Variants in GSE1 observed in about 807,000 individuals in gnomAD.
The protein encoded by GSE1 is genetic suppressor element 1.
Under a neutral mutation model 112.6 loss-of-function variants are expected in GSE1, and 32 were observed. The observed-to-expected ratio is 0.28, with a 90% CI of 0.21 to 0.38. The LOEUF is 0.38. Among genes scored for constraint, GSE1 ranks in the 10% least tolerant of loss-of-function variants. The pLI, the probability that GSE1 is intolerant of heterozygous loss-of-function variation, is 1.00. For missense variants in GSE1, 2,348 were observed against 1,699.2 expected, an observed-to-expected ratio of 1.38 and a Z score of -6.71; for synonymous variants, 1,115 against 735.6, an observed-to-expected ratio of 1.52 and a Z score of -8.35.
intron 2 of GSE1, among the ~76,000 whole-genome samples, chr16:85,378,384 G>A (rs1040504230): frequency 1.3e-5 from 2 of 152,164 alleles, no homozygotes; most frequent in African/African-American, 4.8e-5. Context: ...GGCAGTCAGG[G>A]GTCCCAGCCT....
chr16:85,557,749 GCAGAGGGTCAC>G (rs2045307611), intron 1 of GSE1, among the ~76,000 whole-genome samples: 1 of 150,576 alleles, frequency 6.6e-6, no homozygotes, highest in Non-Finnish European at 1.5e-5. Context: ...ACAGAGCAGG[GCAGAGGGTCAC>G]CAGAGTCCAA....
chr16:85,269,303 A>T (rs543993073), intron 1 of GSE1, among the ~76,000 whole-genome samples: 14 of 149,436 alleles, frequency 9.4e-5, no homozygotes, highest in Non-Finnish European at 1.8e-4. Flanking sequence ...GTGTCCCAAG[A>T]TGGTGAGATG....
At chr16:85,489,160 G>A (rs1208883588) in intron 2 of GSE1, among the ~76,000 whole-genome samples, 1 of 152,230 alleles carries the variant, frequency 6.6e-6, no homozygotes, top group South Asian at 2.1e-4. Context: ...TTTATTTCAT[G>A]TTAATTAGCT....
At chr16:85,614,466 G>C (rs1048681548) in intron 1 of GSE1, among the ~76,000 whole-genome samples, 2 of 152,208 alleles carry the variant, frequency 1.3e-5, no homozygotes, top group East Asian at 1.9e-4. Context: ...GGGGCACTTA[G>C]AAATGTGCGG....
chr16:85,478,911 CT>C (rs746073453), intron 2 of GSE1, among the ~76,000 whole-genome samples: 1 of 58,674 alleles, frequency 1.7e-5, no homozygotes, highest in Non-Finnish European at 3.2e-5. Flanking sequence ...TTCTTTCTTT[CT>C]TTCTTTCTTT....
chr16:85,669,781 G>A (rs975351553), intron 14 of GSE1, among the ~76,000 whole-genome samples: 2 of 152,184 alleles, frequency 1.3e-5, no homozygotes, highest in Admixed American at 6.5e-5. Context: ...TACAGAGTAA[G>A]GCAGAAATCT....
chr16:85,667,971 G>GGTCTGTGGC (rs1308487796), intron 13 of GSE1, among the ~76,000 whole-genome samples, 169 bp from the exon 14 acceptor site: 1 of 152,182 alleles, frequency 6.6e-6, no homozygotes, highest in Non-Finnish European at 1.5e-5. Flanking sequence ...TTCTCAAGTG[G>GGTCTGTGGC]CCCAGAGGCC....
chr16:85,230,095 A>G (rs1360538114), intron 1 of GSE1, among the ~76,000 whole-genome samples: 2 of 152,222 alleles, frequency 1.3e-5, no homozygotes, highest in Admixed American at 6.5e-5. Flanking sequence ...CCCCTGCTCC[A>G]TCATGGGTTC....
chr16:85,255,171 C>T (rs1906935414), intron 1 of GSE1, among the ~76,000 whole-genome samples: 1 of 152,194 alleles, frequency 6.6e-6, no homozygotes. Flanking sequence ...GGCAGAAGCC[C>T]AGCCTGCTGT....
chr16:85,523,812 C>T (rs1405520739), intron 2 of GSE1, among the ~76,000 whole-genome samples: 14 of 152,254 alleles, frequency 9.2e-5, no homozygotes. Context: ...CCCTCAGGCG[C>T]AGCGGTCTGG....
intron 1 of GSE1, among the ~76,000 whole-genome samples, chr16:85,313,216 G>T (rs539355228): frequency 6.6e-6 from 1 of 152,166 alleles, no homozygotes; most frequent in Non-Finnish European, 1.5e-5. Flanking sequence ...ATGGACCGGG[G>T]GCAGCACCTG....
At chr16:85,665,606 C>G (rs1393637217) in intron 12 of GSE1, among the ~76,000 whole-genome samples, 2 of 152,126 alleles carry the variant, frequency 1.3e-5, no homozygotes, top group African/African-American at 2.4e-5. Flanking sequence ...ACAGTTCTGG[C>G]TGGCCTCTGC....
chr16:85,477,461 C>T (rs528137122), intron 2 of GSE1, among the ~76,000 whole-genome samples: 5 of 152,060 alleles, frequency 3.3e-5, no homozygotes, highest in Admixed American at 1.3e-4. Context: ...TGGGTCTGCT[C>T]GGCACCCCTC....
At chr16:85,204,014 C>G (rs2075073974) in intron 1 of GSE1, among the ~76,000 whole-genome samples, 1 of 152,198 alleles carries the variant, frequency 6.6e-6, no homozygotes, top group African/African-American at 2.4e-5. Flanking sequence ...GTCTTTCTGC[C>G]TCGCCTCGGC....
chr16:85,448,743 G>A (rs955726664), intron 2 of GSE1, among the ~76,000 whole-genome samples: 21 of 152,286 alleles, frequency 1.4e-4, no homozygotes, highest in African/African-American at 4.3e-4. Flanking sequence ...CCACATCCCC[G>A]GCCCTGCAAC....
intron 2 of GSE1, among the ~76,000 whole-genome samples, chr16:85,501,203 C>T (rs1481837015): frequency 1.3e-5 from 2 of 151,518 alleles, no homozygotes; most frequent in Non-Finnish European, 2.9e-5. Flanking sequence ...GGGCTTTCAC[C>T]GTGTTAGCCA....
intron 2 of GSE1, among the ~76,000 whole-genome samples, chr16:85,638,716 C>A (rs906082636): frequency 6.7e-6 from 1 of 150,014 alleles, no homozygotes; most frequent in Non-Finnish European, 1.5e-5. Flanking sequence ...ATTCTTGCCA[C>A]CCCCACCTCC....
At chr16:85,371,307 C>A (rs1203176439) in intron 2 of GSE1, among the ~76,000 whole-genome samples, 2 of 152,188 alleles carry the variant, frequency 1.3e-5, no homozygotes, top group Admixed American at 6.5e-5. Context: ...CCCCACGCAG[C>A]GCCATGGAGG....
chr16:85,500,145 G>A (rs551364277), intron 2 of GSE1, among the ~76,000 whole-genome samples: 1 of 152,346 alleles, frequency 6.6e-6, no homozygotes, highest in Non-Finnish European at 1.5e-5. Flanking sequence ...AATATTGCAA[G>A]AGCTAGAAAA....
Sources: gnomAD v4.1 joint callset for allele counts (sites outside exome capture counted in the v4.1 genomes callset) on GRCh38, gnomAD v4.1.1 for gene constraint, MANE v1.5 for transcripts, NCBI Gene and HGNC (gene_info 2026-07-23, HGNC 2026-07-21) for gene names.